The following NINL variants were observed in gnomAD, a reference collection of about 807,000 sequenced individuals.
NINL encodes the protein ninein-like protein.
Under a neutral mutation model 160.3 loss-of-function variants are expected in NINL, and 153 were observed. The observed-to-expected ratio is 0.95, with a 90% CI of 0.84 to 1.09. The LOEUF (loss-of-function observed/expected upper bound fraction) is 1.09. Among genes scored for constraint, NINL ranks in the 50% least tolerant of loss-of-function variants. NINL has a pLI of 0.00. For synonymous variants in NINL, 800 were observed against 734.8 expected (o/e 1.09, Z -1.43); for missense variants, 1,829 against 1,764.0 (o/e 1.04, Z -0.66).
intron 1 of NINL, among the ~76,000 whole-genome samples, chr20:25,543,279 G>T (rs1329019073): frequency 2.0e-5 from 3 of 152,084 alleles, no homozygotes; most frequent in Non-Finnish European, 4.4e-5. Flanking sequence ...GCCGGGTGTG[G>T]TGACTCATGC....
intron 1 of NINL, among the ~76,000 whole-genome samples, chr20:25,561,239 G>A (rs1449250266): frequency 1.3e-5 from 2 of 152,180 alleles, no homozygotes; most frequent in African/African-American, 4.8e-5. Context: ...GGGTTTCGCT[G>A]TGTTGGCCGG....
At chr20:25,511,840 C>A (rs2064075901) in intron 4 of NINL, among the ~76,000 whole-genome samples, 1 of 152,224 alleles carries the variant, frequency 6.6e-6, no homozygotes, top group Non-Finnish European at 1.5e-5. Context: ...CTCTTTGTCT[C>A]CACAAATGTT....
At chr20:25,460,436 G>A (rs1473618650) in intron 21 of NINL, among the ~76,000 whole-genome samples, 1 of 152,210 alleles carries the variant, frequency 6.6e-6, no homozygotes, top group Non-Finnish European at 1.5e-5. Flanking sequence ...CGTGGCCCCA[G>A]GGGTGTGGAA....
rs562953978 is a variant in NINL, at chr20:25,537,862, G to A, written c.-11-11264C>T. Among the ~76,000 whole-genome samples, 564 of 152,264 alleles carry A rather than the reference G, an allele frequency of 3.7e-3. 6 individuals are homozygous for A. Among genetic ancestry groups the A allele is most frequent in the Non-Finnish European group, 4.5e-3 (309 of 68,020 alleles). Reference sequence around the variant, plus strand: ...ATTAACGGGGCTCCTGACAAGAGTCGAAATGCACGTCACGTTAACTGCACA... The same window carrying A: ...ATTAACGGGGCTCCTGACAAGAGTCAAAATGCACGTCACGTTAACTGCACA... On this transcript the variant is annotated intron_variant, in intron 1 of 23. Coordinates refer to ENST00000278886, the MANE Select transcript of NINL (RefSeq NM_025176.6).
Position 25,479,019 on chromosome 20 carries a change from C to T in NINL, c.2105G>A (p.Arg702His), listed in dbSNP as rs917252420. The change falls in exon 16 of 24, where the codon CGC becomes CAC. Residue 702 changes from arginine (R) to histidine (H), a missense_variant. Coordinates refer to ENST00000278886, the MANE Select transcript of NINL (RefSeq NM_025176.6). ...GCCCATCTGCTCAGGCTCGGGGCCGCGGGCTGTGTCCTGCAGCTGCTCCTG... is the reference window on the plus strand; with the variant it reads ...GCCCATCTGCTCAGGCTCGGGGCCGTGGGCTGTGTCCTGCAGCTGCTCCTG... ...GLQEQLQDTA[R>H]GPEPEQMGLA... 1.1e-5 allele frequency: 18 copies of T among 1,609,508 alleles called. No homozygotes were observed. The highest frequency in any genetic ancestry group is 5.5e-5 in the South Asian group (5 of 91,068).
In NINL at chr20:25,489,922, G is replaced by A. The variant is rs764932618; in HGVS notation, c.1549C>T (p.Leu517=). 3.3e-5 allele frequency: 54 copies of A among 1,614,070 alleles called. No homozygotes were observed. The highest frequency in any genetic ancestry group is 4.6e-5 in the Non-Finnish European group (54 of 1,180,050). The change falls in exon 12 of 24, where the codon CTG becomes TTG. Residue 517 remains leucine, a synonymous_variant. Transcript: ENST00000278886. ...VVEKLSDSER[L]ALKLQKDLEF... is the part of the protein sequence containing the mutation. ...AGGTCCTTCTGCAGCTTCAGGGCCA[G>A]CCTCTCCGAATCCGAAAGCTTTTCC...
chr20:25,501,967 T>C (rs1321155501), intron 7 of NINL, among the ~76,000 whole-genome samples: 1 of 152,048 alleles, frequency 6.6e-6, no homozygotes, highest in African/African-American at 2.4e-5. Context: ...ATTATTTAGG[T>C]TTTTAAATTA....
At chr20:25,505,253 T>A (rs568648419) in intron 5 of NINL, among the ~76,000 whole-genome samples, 175 bp from the exon 6 acceptor site, 15 of 148,278 alleles carry the variant, frequency 1.0e-4, no homozygotes, top group African/African-American at 3.7e-4. Flanking sequence ...CTCACTCACA[T>A]GTGGGATCTA....
At chr20:25,557,172 C>T (rs988766428) in intron 1 of NINL, among the ~76,000 whole-genome samples, 2 of 152,188 alleles carry the variant, frequency 1.3e-5, no homozygotes, top group Non-Finnish European at 2.9e-5. Flanking sequence ...AAGTAAGTGG[C>T]TGTAACCTCT....
intron 7 of NINL, among the ~76,000 whole-genome samples, chr20:25,503,465 C>T (rs1213115723): frequency 1.4e-5 from 2 of 145,070 alleles, no homozygotes; most frequent in African/African-American, 2.6e-5. Context: ...ACGTTCCTCA[C>T]CTGAGCACTG....
Position 25,499,259 on chromosome 20 carries a change from C to T in NINL, c.1033-913G>A, listed in dbSNP as rs955291677. 3.0e-6 allele frequency: 3 copies of T among 983,960 alleles called. No homozygotes were observed. The East Asian group carries it at 3.4e-4, about 112-fold the overall frequency. 61.0% of individuals were successfully genotyped at this position (983,960 alleles called of 1,614,324 possible). A position where few individuals can be genotyped will look rare whatever the true frequency, so the allele number is the denominator to read the frequency against. The stretch of plus-strand genomic sequence containing the variant: ...CAAGCACACGCTCCCCACCACGTCA[C>T]TGGATGGCGTAGAGGGACAGAACCG... On this transcript the variant is annotated intron_variant, in intron 8 of 23. Transcript: ENST00000278886.
chr20:25,526,286 C>G (rs371447), intron 2 of NINL, 122 bp downstream of exon 2: 5 of 879,726 alleles, frequency 5.7e-6, no homozygotes, highest in Non-Finnish European at 8.8e-6. Context: ...GGACACTGTT[C>G]CATTTGCTAA....
chr20:25,468,778 CGCTTG>C (rs2062996841), intron 18 of NINL, among the ~76,000 whole-genome samples: 7 of 143,192 alleles, frequency 4.9e-5, no homozygotes, highest in African/African-American at 1.1e-4. Context: ...GGTGGGCGCC[CGCTTG>C]CCCTGTCCCC....
Position 25,504,009 on chromosome 20 carries a change from C to T in NINL, c.804G>A (p.Ala268=), listed in dbSNP as rs555871099. 3.5e-5 allele frequency: 56 copies of T among 1,613,882 alleles called. No individual in the cohort carries two copies. In the East Asian group the frequency reaches 4.7e-4, roughly 13 times the overall value. The change falls in exon 7 of 24, where the codon GCG becomes GCA. Residue 268 remains alanine (A), a synonymous_variant. Transcript: ENST00000278886. The part of the protein sequence containing the change: ...FQLGLFSHEP[A]LLLESSTRVK... ...CCCGAGTGGAAGACTCTAGAAGTAGCGCGGGCTCATGACTGAAGAGGCCAA... is the reference window on the plus strand; with the variant it reads ...CCCGAGTGGAAGACTCTAGAAGTAGTGCGGGCTCATGACTGAAGAGGCCAA...
chr20:25,476,496 C>A lies in NINL; in HGVS notation c.2795G>T (p.Gly932Val). 1 of 1,604,282 alleles carries A rather than the reference C, an allele frequency of 6.2e-7. No homozygotes were observed. Among genetic ancestry groups the A allele is most frequent in the South Asian group, 1.1e-5 (1 of 91,066 alleles). The change falls in exon 17 of 24, where the codon GGG becomes GTG. Residue 932 changes from glycine (G) to valine (V), a missense_variant. Transcript: ENST00000278886. ...EPEPFGASAA[G>V]LEQPGARELP... ...CTCCCGGGCTCCAGGCTGCTCCAGC[C>A]CCGCTGCGCTCGCGCCGAAAGGCTC... is the stretch of plus-strand genomic sequence containing the variant.
At chr20:25,561,263 T>A (rs895399661) in intron 1 of NINL, among the ~76,000 whole-genome samples, 1 of 152,178 alleles carries the variant, frequency 6.6e-6, no homozygotes, top group Non-Finnish European at 1.5e-5. Context: ...GGTCTCCAGC[T>A]CCTAAGCGCG....
intron 5 of NINL, among the ~76,000 whole-genome samples, chr20:25,510,259 G>A (rs567698889): frequency 5.7e-4 from 87 of 152,376 alleles, no homozygotes; most frequent in African/African-American, 2.1e-3. Flanking sequence ...CCCCTGCACA[G>A]CAAGGGAGAG....
At chr20:25,501,321 C>A (rs117226672) in intron 7 of NINL, among the ~76,000 whole-genome samples, 1,790 of 152,346 alleles carry the variant, frequency 0.012, 14 homozygotes, top group South Asian at 0.019. Context: ...TGGAGAGGGA[C>A]GACAAAGGAG....
intron 6 of NINL, among the ~76,000 whole-genome samples, chr20:25,504,592 G>A (rs976021155): frequency 2.0e-5 from 3 of 152,232 alleles, no homozygotes; most frequent in African/African-American, 7.2e-5. Flanking sequence ...GCCACACAGA[G>A]AAGGGGGAAA....
Sources: gnomAD v4.1 joint callset for allele counts (sites outside exome capture counted in the v4.1 genomes callset) on GRCh38, gnomAD v4.1.1 for gene constraint, MANE v1.5 for transcripts, NCBI Gene and HGNC (gene_info 2026-07-23, HGNC 2026-07-21) for gene names.